Variants in TCF7 observed in about 807,000 individuals in gnomAD.
TCF7 encodes transcription factor 7.
In TCF7, 19 loss-of-function variants were observed where a neutral mutation model predicts 46.8. The ratio of observed to expected loss-of-function variants is 0.41; its 90% CI spans 0.28 to 0.60. The LOEUF is 0.60. Among genes scored for constraint, TCF7 ranks in the 20% least tolerant of loss-of-function variants. The pLI, the probability that TCF7 is intolerant of heterozygous loss-of-function variation, is 0.35. For missense variants in TCF7, 547 were observed against 504.6 expected (o/e 1.08, Z -0.81); for synonymous variants, 245 against 213.4 (o/e 1.15, Z -1.29).
intron 3 of TCF7, among the ~76,000 whole-genome samples, chr5:134,136,787 C>T (rs1046295928): frequency 1.1e-4 from 17 of 152,200 alleles, no homozygotes; most frequent in African/African-American, 3.6e-4. Context: ...TAAATTCACC[C>T]AGTCAGGAAT....
At chr5:134,110,824 G>T (rs752709850), upstream of TCF7, among the ~76,000 whole-genome samples, 16 of 152,242 alleles carry the variant, frequency 1.1e-4, no homozygotes, top group Non-Finnish European at 2.4e-4. Context: ...CAGAGTTCAC[G>T]TGGGCCTTTC....
At chr5:134,109,223 C>A in the TCF7 span, among the ~76,000 whole-genome samples, 297 of 152,304 alleles carry the variant, frequency 2.0e-3, no homozygotes, top group Non-Finnish European at 2.9e-3. Context: ...AGCAACAAAG[C>A]CCTGTATAGC....
chr5:134,115,530 G>C lies in TCF7; in HGVS notation c.316+143G>C, dbSNP rs551300011. ...GCAGAACCCAGGGGTGGAGAGTGGG[G>C]GGCGGGCTTCCCGGGCGCCGCCGGG... On this transcript the variant is annotated intron_variant, in intron 2 of 9. Coordinates refer to ENST00000342854, the MANE Select transcript of TCF7 (RefSeq NM_003202.5). The C allele has an allele frequency of 7.1e-5, 102 of 1,444,728 alleles. 1 individual carries two copies. The African/African-American group carries it at 1.3e-3, about 18-fold the overall frequency. 89.5% of individuals were successfully genotyped at this position (1,444,728 alleles called of 1,614,324 possible). A position where few individuals can be genotyped will look rare whatever the true frequency, so the allele number is the denominator to read the frequency against.
intron 3 of TCF7, chr5:134,137,842 C>T: frequency 2.4e-6 from 1 of 413,728 alleles, no homozygotes; most frequent in Non-Finnish European, 4.3e-6. Context: ...CCAGAAAGAC[C>T]AAGAGGCTTT....
At chr5:134,113,702 G>T (rs1755415167), upstream of TCF7, among the ~76,000 whole-genome samples, 1 of 152,376 alleles carries the variant, frequency 6.6e-6, no homozygotes, top group East Asian at 1.9e-4. Context: ...GGAGGCCCGC[G>T]TGGACGCAGA....
intron 3 of TCF7, among the ~76,000 whole-genome samples, chr5:134,137,624 C>T (rs1759087770): frequency 6.6e-6 from 1 of 152,094 alleles, no homozygotes; most frequent in African/African-American, 2.4e-5. Flanking sequence ...AATGGTCAGA[C>T]TCAGAATCCC....
Position 134,115,917 on chromosome 5 carries a change from G to T in TCF7, c.325G>T (p.Ala109Ser). The T allele has an allele frequency of 6.2e-7, 1 of 1,613,964 alleles. No individual in the cohort carries two copies. The highest frequency in any genetic ancestry group is 8.5e-7 in the Non-Finnish European group (1 of 1,180,008). The change falls in exon 3 of 10, where the codon GCC becomes TCC. Residue 109 changes from alanine (A) to serine (S), a missense_variant. By Grantham distance (99) the Ala-to-Ser change is moderately conservative. Coordinates refer to ENST00000342854, the MANE Select transcript of TCF7 (RefSeq NM_003202.5). ...LPEPLEDGLK[A>S]PECTSGMYKE... ...AGCTGTGGTTTTTCCAGGCCTGAAG[G>T]CCCCGGAGTGCACCAGCGGCATGTA...
upstream of TCF7, among the ~76,000 whole-genome samples, chr5:134,113,105 G>C (rs1172696045): frequency 6.6e-6 from 1 of 152,160 alleles, no homozygotes; most frequent in Non-Finnish European, 1.5e-5. Flanking sequence ...TCTCCCCTCC[G>C]GGCAGGGCCG....
intron 5 of TCF7, chr5:134,139,400 G>A (rs1759400983): frequency 4.4e-6 from 1 of 227,404 alleles, no homozygotes. Context: ...GGCCCGAGCA[G>A]GGAGGGGACA....
chr5:134,143,588 G>A lies in TCF7; in HGVS notation c.1027-4G>A. The A allele has an allele frequency of 6.2e-7, 1 of 1,614,124 alleles. No individual in the cohort carries two copies. Among genetic ancestry groups the A allele is most frequent in the Non-Finnish European group, 8.5e-7 (1 of 1,180,022 alleles). ...CTGAGCATCCCTCCTTTTGTTCCCTGCAGGGGAAGAAGAAGAGGCGGTCGA... is the reference window on the plus strand; with the variant it reads ...CTGAGCATCCCTCCTTTTGTTCCCTACAGGGGAAGAAGAAGAGGCGGTCGA... On this transcript the variant is annotated splice_region_variant and splice_polypyrimidine_tract_variant and intron_variant, in intron 8 of 9. Coordinates refer to ENST00000342854, the MANE Select transcript of TCF7 (RefSeq NM_003202.5).
At chr5:134,138,210 G>A in intron 4 of TCF7, 46 bp downstream of exon 4, 1 of 1,558,872 alleles carries the variant, frequency 6.4e-7, no homozygotes, top group Non-Finnish European at 8.8e-7. Flanking sequence ...CAGAGCCTAA[G>A]GGCCAAGACC....
chr5:134,142,001 TGTGTA>T, intron 5 of TCF7, 179 bp from the exon 6 acceptor site: 1 of 698,824 alleles, frequency 1.4e-6, no homozygotes, highest in Non-Finnish European at 2.2e-6. Flanking sequence ...GCAGTGTGTC[TGTGTA>T]GTGTGCTGGG....
intron 3 of TCF7, among the ~76,000 whole-genome samples, chr5:134,125,262 C>T (rs567534102): frequency 1.3e-5 from 2 of 152,350 alleles, no homozygotes; most frequent in Non-Finnish European, 2.9e-5. Context: ...CCATCTGAAA[C>T]GCATTACTGA....
At chr5:134,145,107 G>A (rs1364152008) in intron 9 of TCF7, 3 of 644,110 alleles carry the variant, frequency 4.7e-6, no homozygotes, top group Non-Finnish European at 5.7e-6. Context: ...TTCCAGAAAG[G>A]AAGGACAGAC....
At chr5:134,142,648 A>C (rs1760015278) in intron 6 of TCF7, 73 bp from the exon 7 acceptor site, 8 of 1,570,186 alleles carry the variant, frequency 5.1e-6, no homozygotes, top group Non-Finnish European at 6.9e-6. Flanking sequence ...CTCTAGGCCC[A>C]CGCTAGAGGA....
chr5:134,130,670 C>T (rs1757993584), intron 3 of TCF7, among the ~76,000 whole-genome samples: 1 of 152,188 alleles, frequency 6.6e-6, no homozygotes, highest in Admixed American at 6.5e-5. Context: ...GCCAAAGGGT[C>T]TTAGGTACCA....
rs538555717 is a variant in TCF7 at position 134,146,820 on chromosome 5, A to C, written c.*517A>C. 3.5e-5 allele frequency: 15 copies of C among 434,416 alleles called. 1 individual carries two copies. In the South Asian group the frequency reaches 4.0e-4, roughly 12 times the overall value. The allele number at this position is 434,416 out of a possible 1,614,324, so 26.9% of individuals were successfully genotyped here. A position where few individuals can be genotyped will look rare whatever the true frequency, so the allele number is the denominator to read the frequency against. On this transcript the variant is annotated 3_prime_UTR_variant, in exon 10 of 10. Transcript: ENST00000342854. ...GCCAGCCAGAAGCCTCTGCCTCCCT[A>C]GCTTTTCTGCTATAGGTCAGAGATG...
At chr5:134,125,497 G>T (rs1354479484) in intron 3 of TCF7, among the ~76,000 whole-genome samples, 2 of 152,244 alleles carry the variant, frequency 1.3e-5, no homozygotes, top group African/African-American at 4.8e-5. Flanking sequence ...CTGGGCACAG[G>T]TCTCACTCAG....
At chr5:134,134,874 C>A (rs1758634166) in intron 3 of TCF7, among the ~76,000 whole-genome samples, 3 of 152,194 alleles carry the variant, frequency 2.0e-5, no homozygotes, top group Non-Finnish European at 1.5e-5. Context: ...GCTAAAGCAC[C>A]CATGGGAAGC....
Sources: allele counts gnomAD v4.1 joint callset (sites outside exome capture counted in the v4.1 genomes callset), GRCh38; gene constraint gnomAD v4.1.1; transcripts MANE v1.5; gene names NCBI Gene and HGNC (gene_info 2026-07-23, HGNC 2026-07-21).